The following KSR1 variants were observed in gnomAD, a reference collection of about 807,000 sequenced individuals.
KSR1 encodes kinase suppressor of ras 1, also known as kinase suppressor of ras.
KSR1 carries 35 observed loss-of-function variants against 92.9 expected under a neutral mutation model. That is an observed-to-expected ratio of 0.38 (90% CI 0.29 to 0.50). The LOEUF (loss-of-function observed/expected upper bound fraction) is 0.50. Among genes scored for constraint, KSR1 ranks in the 20% least tolerant of loss-of-function variants. The pLI, the probability that KSR1 is intolerant of heterozygous loss-of-function variation, is 0.94. For missense variants in KSR1, 972 were observed against 1,158.5 expected (o/e 0.84, Z 2.34); for synonymous variants, 467 against 472.6 (o/e 0.99, Z 0.15).
At chr17:27,457,510 G>A (rs1022142396) in intron 1 of KSR1, among the ~76,000 whole-genome samples, 1 of 152,198 alleles carries the variant, frequency 6.6e-6, no homozygotes, top group African/African-American at 2.4e-5. Flanking sequence ...TCCCCCCAAA[G>A]ATTGGATTTA....
chr17:27,496,646 C>T (rs2068996315), intron 1 of KSR1, among the ~76,000 whole-genome samples: 3 of 152,134 alleles, frequency 2.0e-5, no homozygotes. Flanking sequence ...TTTGCATGTG[C>T]CATGGTAACC....
chr17:27,597,294 G>C lies in KSR1; in HGVS notation c.1326G>C (p.Leu442=). ...KKEHPPAMNH[L]DSSSNPSSTT... ...AGCACCCTCCGGCCATGAATCACCTGGACTCCAGCAGCAACCCTTCCTCCA... is the reference window on the plus strand; with the variant it reads ...AGCACCCTCCGGCCATGAATCACCTCGACTCCAGCAGCAACCCTTCCTCCA... The change falls in exon 10 of 21, where the codon CTG becomes CTC. Residue 442 remains leucine (L), a synonymous_variant. Coordinates refer to ENST00000644974, the MANE Select transcript of KSR1 (RefSeq NM_001394583.1). The C allele has an allele frequency of 6.2e-7, 1 of 1,601,032 alleles. No homozygotes were observed. The highest frequency in any genetic ancestry group is 8.5e-7 in the Non-Finnish European group (1 of 1,174,002).
At chr17:27,502,403 G>A (rs930695175) in intron 1 of KSR1, among the ~76,000 whole-genome samples, 19 of 152,172 alleles carry the variant, frequency 1.2e-4, no homozygotes, top group East Asian at 5.8e-4. Flanking sequence ...CCCTGATTCC[G>A]AGACCCTGTC....
intron 2 of KSR1, among the ~76,000 whole-genome samples, chr17:27,574,612 G>C (rs574275159): frequency 1.9e-4 from 29 of 152,312 alleles, no homozygotes; most frequent in African/African-American, 7.0e-4. Context: ...ATGGGAGAGA[G>C]GGGTATGGGT....
At chr17:27,565,955 T>C (rs1373021980) in intron 2 of KSR1, among the ~76,000 whole-genome samples, 1 of 152,214 alleles carries the variant, frequency 6.6e-6, no homozygotes, top group Non-Finnish European at 1.5e-5. Flanking sequence ...GAGCATCCTT[T>C]TGAAGGTTGT....
intron 1 of KSR1, among the ~76,000 whole-genome samples, chr17:27,517,899 G>C (rs967013202): frequency 9.2e-5 from 14 of 152,322 alleles, no homozygotes; most frequent in African/African-American, 3.1e-4. Flanking sequence ...GATGATTTCA[G>C]ATATAGGCAA....
chr17:27,521,198 C>T (rs760196003), intron 1 of KSR1, among the ~76,000 whole-genome samples: 1 of 152,128 alleles, frequency 6.6e-6, no homozygotes, highest in Admixed American at 6.5e-5. Flanking sequence ...TATGTATACC[C>T]GCTCCAAGTG....
chr17:27,477,612 C>A (rs2068384179), intron 1 of KSR1, among the ~76,000 whole-genome samples: 1 of 152,048 alleles, frequency 6.6e-6, no homozygotes, highest in Non-Finnish European at 1.5e-5. Context: ...ATGTATAGAC[C>A]CCTGTCTGCC....
intron 12 of KSR1, among the ~76,000 whole-genome samples, chr17:27,604,196 C>T (rs887759132): frequency 6.6e-5 from 10 of 152,310 alleles, no homozygotes; most frequent in African/African-American, 2.4e-4. Context: ...CTTTCTCTAC[C>T]AGGCCATGCT....
chr17:27,505,254 G>A (rs1034902822), intron 1 of KSR1, among the ~76,000 whole-genome samples: 4 of 152,174 alleles, frequency 2.6e-5, no homozygotes, highest in African/African-American at 9.7e-5. Context: ...CTCCCAGACC[G>A]AGGGGTTGAC....
chr17:27,607,840 C>T, intron 14 of KSR1, 74 bp from the exon 15 acceptor site: 5 of 1,086,474 alleles, frequency 4.6e-6, no homozygotes, highest in Non-Finnish European at 6.9e-6. Flanking sequence ...CAGTTCTCCC[C>T]ATGGGCTCCA....
chr17:27,526,470 C>T, intron 1 of KSR1: 1 of 1,591,960 alleles, frequency 6.3e-7, no homozygotes, highest in Non-Finnish European at 8.6e-7. Flanking sequence ...CCCAATACAT[C>T]TTCTCTTTAT....
intron 1 of KSR1, among the ~76,000 whole-genome samples, chr17:27,526,052 C>CTTTTCTTT: frequency 7.7e-6 from 1 of 130,216 alleles, no homozygotes; most frequent in African/African-American, 3.2e-5. Context: ...CTTTCTCTCT[C>CTTTTCTTT]TCTCTCTCTC....
intron 2 of KSR1, among the ~76,000 whole-genome samples, chr17:27,567,787 G>A (rs1178732848): frequency 2.0e-5 from 3 of 152,238 alleles, no homozygotes; most frequent in Admixed American, 1.3e-4. Flanking sequence ...ATATCCTGGC[G>A]TTGGTTACTG....
chr17:27,500,372 C>T (rs868829061), intron 1 of KSR1, among the ~76,000 whole-genome samples: 1 of 152,136 alleles, frequency 6.6e-6, no homozygotes, highest in African/African-American at 2.4e-5. Flanking sequence ...TGTGCAAGTA[C>T]TGACGGGATA....
intron 1 of KSR1, among the ~76,000 whole-genome samples, chr17:27,543,734 C>A (rs1414140419): frequency 6.6e-6 from 1 of 152,194 alleles, no homozygotes; most frequent in African/African-American, 2.4e-5. Flanking sequence ...GAGCCGATGT[C>A]ATTTCATTCC....
chr17:27,480,326 A>T (rs769512585), intron 1 of KSR1, among the ~76,000 whole-genome samples: 4 of 151,378 alleles, frequency 2.6e-5, no homozygotes, highest in Non-Finnish European at 5.9e-5. Flanking sequence ...TGCGTGCCTC[A>T]CCTCCCTAGA....
intron 2 of KSR1, among the ~76,000 whole-genome samples, chr17:27,568,003 T>A (rs1357893088): frequency 1.3e-5 from 2 of 152,350 alleles, no homozygotes; most frequent in South Asian, 2.1e-4. Context: ...GCCTGGTAGC[T>A]GTGGCATTGG....
Position 27,577,852 on chromosome 17 carries a change from G to T in KSR1, c.520+213G>T. 1.5e-6 allele frequency: 1 copy of T among 687,516 alleles called. No individual in the cohort carries two copies. The highest frequency in any genetic ancestry group is 1.8e-5 in the African/African-American group (1 of 56,846). 42.6% of individuals were successfully genotyped at this position (687,516 alleles called of 1,614,324 possible). ...GTGGGTCTGGCCAGGCCGAATCTGA[G>T]GGGTTTCAGCCATGGTTAGAAATCC... On this transcript the variant is annotated intron_variant, in intron 3 of 20. Transcript: ENST00000644974. The surrounding 1 kb of genome is among the most constrained non-coding windows in gnomAD (Gnocchi z 4.5).
Sources: gnomAD v4.1 joint callset for allele counts (sites outside exome capture counted in the v4.1 genomes callset) on GRCh38, gnomAD v4.1.1 for gene constraint, Gnocchi (gnomAD v3.1) non-coding constraint, MANE v1.5 for transcripts, NCBI Gene and HGNC (gene_info 2026-07-23, HGNC 2026-07-21) for gene names.